The following ATP6V0D1 variants were observed in gnomAD, a reference collection of about 807,000 sequenced individuals.
The protein encoded by ATP6V0D1 is ATPase H+ transporting V0 subunit d1.
Under a neutral mutation model 39.0 loss-of-function variants are expected in ATP6V0D1, and 13 were observed. The ratio of observed to expected loss-of-function variants is 0.33; its 90% CI spans 0.22 to 0.53. The LOEUF (loss-of-function observed/expected upper bound fraction) is 0.53, where lower values mean the gene tolerates loss of function less well. ATP6V0D1 is among the 20% of genes least tolerant of loss of function. The pLI is 0.94. For synonymous variants in ATP6V0D1, 191 were observed against 191.2 expected (o/e 1.00, Z 0.01); for missense variants, 272 against 470.9 (o/e 0.58, Z 3.91).
At chr16:67,439,208 T>C in intron 5 of ATP6V0D1, 61 bp from the exon 6 acceptor site, 1 of 1,613,784 alleles carries the variant, frequency 6.2e-7, no homozygotes. Context: ...AGCCAGTCAG[T>C]TGGCAGAGCC....
chr16:67,480,961 T>C lies in ATP6V0D1; in HGVS notation c.126A>G (p.Leu42=). ...CCTTTCGCGGCCCCGGCTCACCCTC[T>C]AGCGTCTCGCACTGCACCAGGTTGA... ...DYLNLVQCET[L]EDLKLHLQST... Residue 42 remains leucine, a synonymous_variant, in exon 1 of 8, where the codon CTA becomes CTG. Transcript: ENST00000290949. 1.9e-6 allele frequency: 3 copies of C among 1,614,008 alleles called. No individual in the cohort carries two copies. The highest frequency in any genetic ancestry group is 2.5e-6 in the Non-Finnish European group (3 of 1,179,932).
intron 2 of ATP6V0D1, among the ~76,000 whole-genome samples, chr16:67,451,267 G>A (rs1032515513): frequency 2.0e-5 from 3 of 152,210 alleles, no homozygotes; most frequent in African/African-American, 7.2e-5. Context: ...CAGCCGGGTG[G>A]GACCATGAGT....
At chr16:67,478,613 C>CAA (rs1292018624) in intron 1 of ATP6V0D1, among the ~76,000 whole-genome samples, 2,317 of 51,454 alleles carry the variant, frequency 0.045, 23 homozygotes, top group Middle Eastern at 0.091. Flanking sequence ...GACTCTGTCT[C>CAA]AAAAAAAAAA....
rs1036699897 is a variant in ATP6V0D1 at position 67,438,628 on chromosome 16, A to G, written c.956T>C (p.Val319Ala). Residue 319 changes from valine (V) to alanine (A), a missense_variant, in exon 8 of 8, where the codon GTG becomes GCG. Coordinates refer to ENST00000290949, the MANE Select transcript of ATP6V0D1 (RefSeq NM_004691.5). The stretch of plus-strand genomic sequence containing the variant: ...GCGACACTCCTGCTCCTTGAGCTTC[A>G]CGAAGGCATAGAAGACACCAAAGTG... ...QFHFGVFYAF[V>A]KLKEQECRNI... The G allele has an allele frequency of 3.1e-6, 5 of 1,614,152 alleles. No homozygotes were observed. The African/African-American group carries it at 6.7e-5, about 22-fold the overall frequency.
intron 3 of ATP6V0D1, 44 bp from the exon 4 acceptor site, chr16:67,443,222 C>T (rs765487857): frequency 9.4e-6 from 15 of 1,594,524 alleles, no homozygotes; most frequent in Middle Eastern, 1.8e-4. Context: ...GTGGCCTAGG[C>T]CAGAATCCTG....
At chr16:67,478,598 G>C (rs2142338161) in intron 1 of ATP6V0D1, among the ~76,000 whole-genome samples, 1 of 148,840 alleles carries the variant, frequency 6.7e-6, no homozygotes, top group South Asian at 2.2e-4. Flanking sequence ...TGGGTGACAG[G>C]GCTAGACTCT....
intron 1 of ATP6V0D1, among the ~76,000 whole-genome samples, chr16:67,476,755 G>C (rs2041417736): frequency 6.6e-6 from 1 of 152,084 alleles, no homozygotes; most frequent in Non-Finnish European, 1.5e-5. Context: ...ACAAACATTG[G>C]CTGGGTGTAG....
At chr16:67,457,667 A>G in intron 1 of ATP6V0D1, 5 of 1,288,456 alleles carry the variant, frequency 3.9e-6, no homozygotes, top group Non-Finnish European at 5.1e-6. Flanking sequence ...GAAGCCAGGA[A>G]TGTGTGCACG....
intron 1 of ATP6V0D1, chr16:67,457,479 C>T (rs2041249189): frequency 3.3e-6 from 3 of 909,792 alleles, no homozygotes; most frequent in Admixed American, 4.9e-5. Flanking sequence ...CCCAGATGAG[C>T]TGGCAGGTGG....
In ATP6V0D1 at chr16:67,443,154, G is replaced by GAT; in HGVS notation, c.505_506insAT (p.Ser169TyrfsTer9). On this transcript the variant is annotated frameshift_variant, in exon 4 of 8. Coordinates refer to ENST00000290949, the MANE Select transcript of ATP6V0D1 (RefSeq NM_004691.5). LOFTEE classifies it high-confidence loss of function. ...GTTCATCTCGTCAAGGTCCTGCTCT[G>GAT]AAATGCAGTCCTGGAAAAAAGCCGC... The GAT allele has an allele frequency of 6.2e-7, 1 of 1,614,020 alleles. No homozygotes were observed. Among genetic ancestry groups the GAT allele is most frequent in the Non-Finnish European group, 8.5e-7 (1 of 1,179,976 alleles).
Position 67,444,541 on chromosome 16 carries a change from C to A in ATP6V0D1, c.468G>T (p.Val156=). The A allele has an allele frequency of 1.2e-6, 2 of 1,601,232 alleles. No individual in the cohort carries two copies. Among genetic ancestry groups the A allele is most frequent in the South Asian group, 1.1e-5 (1 of 90,446 alleles). The change falls in exon 3 of 8, where the codon GTG becomes GTT. Residue 156 remains valine (V), a synonymous_variant. Coordinates refer to ENST00000290949, the MANE Select transcript of ATP6V0D1 (RefSeq NM_004691.5). The surrounding 1 kb of genome is among the most constrained non-coding windows in gnomAD (Gnocchi z 4.8). ...TPAELYNAIL[V]DTPLAAFFQD... Reference sequence around the variant, plus strand: ...ACAGCGGCTCACCAAGAGGCGTGTCCACCAGAATGGCATTGTAGAGCTCAG... The same window carrying A: ...ACAGCGGCTCACCAAGAGGCGTGTCAACCAGAATGGCATTGTAGAGCTCAG...
Position 67,438,568 on chromosome 16 carries a change from C to T in ATP6V0D1, c.1016G>A (p.Arg339His), listed in dbSNP as rs551803640. ...GTAGTTGTCGATTTTGGCGCGGTGG[C>T]GCTGGGCGATACATTCAGCGATCCA... ...IVWIAECIAQ[R>H]HRAKIDNYIP... Residue 339 changes from arginine to histidine, a missense_variant, in exon 8 of 8, where the codon CGC becomes CAC. Arg to His is a conservative substitution (Grantham distance 29, BLOSUM62 0). Transcript: ENST00000290949. 6.2e-6 allele frequency: 10 copies of T among 1,613,814 alleles called. No homozygotes were observed. Among genetic ancestry groups the T allele is most frequent in the South Asian group, 5.5e-5 (5 of 91,054 alleles).
At chr16:67,443,694 C>A (rs548328365) in intron 3 of ATP6V0D1, among the ~76,000 whole-genome samples, 1 of 152,324 alleles carries the variant, frequency 6.6e-6, no homozygotes, top group South Asian at 2.1e-4. Context: ...GGATAGAGCA[C>A]CCCCATCCCC....
rs368607821 is a variant in ATP6V0D1, at chr16:67,480,950, G to A, written c.130+7C>T. The A allele has an allele frequency of 3.7e-6, 6 of 1,613,652 alleles. No homozygotes were observed. In the African/African-American group the frequency reaches 5.3e-5, roughly 14 times the overall value. On this transcript the variant is annotated splice_region_variant and intron_variant, in intron 1 of 7. Coordinates refer to ENST00000290949, the MANE Select transcript of ATP6V0D1 (RefSeq NM_004691.5). ...CTCTATCCCCGCCTTTCGCGGCCCCGGCTCACCCTCTAGCGTCTCGCACTG... is the reference window on the plus strand; with the variant it reads ...CTCTATCCCCGCCTTTCGCGGCCCCAGCTCACCCTCTAGCGTCTCGCACTG...
intron 2 of ATP6V0D1, chr16:67,452,449 C>T: frequency 3.3e-6 from 5 of 1,505,754 alleles, no homozygotes; most frequent in Non-Finnish European, 4.5e-6. Flanking sequence ...AGAATCAGGC[C>T]AGGCAGCAGG....
At chr16:67,460,772 C>T (rs2041283113) in intron 1 of ATP6V0D1, among the ~76,000 whole-genome samples, 1 of 152,144 alleles carries the variant, frequency 6.6e-6, no homozygotes, top group Non-Finnish European at 1.5e-5. Flanking sequence ...CACCCATCAC[C>T]CATCAGCTGA....
chr16:67,480,331 G>T (rs1413212647), intron 1 of ATP6V0D1, among the ~76,000 whole-genome samples: 3 of 152,110 alleles, frequency 2.0e-5, no homozygotes, highest in Non-Finnish European at 4.4e-5. Flanking sequence ...TCGCTGAGGG[G>T]GTGGGATTAA....
At chr16:67,472,653 G>T (rs1308631105) in intron 1 of ATP6V0D1, among the ~76,000 whole-genome samples, 2 of 152,168 alleles carry the variant, frequency 1.3e-5, no homozygotes, top group Non-Finnish European at 1.5e-5. Flanking sequence ...GGATCACGAG[G>T]TCAGGAGATC....
intron 1 of ATP6V0D1, among the ~76,000 whole-genome samples, chr16:67,468,638 G>GAAGC (rs2041349416): frequency 6.6e-6 from 1 of 151,408 alleles, no homozygotes; most frequent in Non-Finnish European, 1.5e-5. Flanking sequence ...GAAAGGAAAG[G>GAAGC]AAGCAAGCAA....
Sources: gnomAD v4.1 joint callset for allele counts (sites outside exome capture counted in the v4.1 genomes callset) on GRCh38, gnomAD v4.1.1 for gene constraint, Gnocchi (gnomAD v3.1) non-coding constraint, MANE v1.5 for transcripts, NCBI Gene and HGNC (gene_info 2026-07-23, HGNC 2026-07-21) for gene names.